The following FHIT variants were observed in gnomAD, a reference collection of about 807,000 sequenced individuals.
FHIT encodes the protein bis(5'-adenosyl)-triphosphatase.
In FHIT, 19 loss-of-function variants were observed where a neutral mutation model predicts 17.9. The observed-to-expected ratio is 1.06, with a 90% CI of 0.74 to 1.56. The LOEUF (loss-of-function observed/expected upper bound fraction) is 1.56, where lower values mean the gene tolerates loss of function less well. FHIT is among the 40% of genes most tolerant of loss of function. FHIT has a pLI of 0.00. For synonymous variants in FHIT, 81 were observed against 69.7 expected, an observed-to-expected ratio of 1.16 and a Z score of -0.81; for missense variants, 248 against 189.2, an observed-to-expected ratio of 1.31 and a Z score of -1.82.
chr3:60,871,907 C>T (rs72889111), intron 3 of FHIT, among the ~76,000 whole-genome samples: 3,033 of 152,126 alleles, frequency 0.02, 98 homozygotes, highest in African/African-American at 0.069. Flanking sequence ...AAATGATCCT[C>T]CTGCCTCAGT....
intron 2 of FHIT, among the ~76,000 whole-genome samples, chr3:61,151,819 A>G (rs62268794): frequency 2.0e-5 from 3 of 152,022 alleles, no homozygotes; most frequent in Non-Finnish European, 4.4e-5. Flanking sequence ...AGGAGAAAAT[A>G]AAACCCGCCC....
At position 61,184,946 on chromosome 3, in the gene FHIT, G is replaced by C. The variant is rs568513781; in HGVS notation, c.-164+15671C>G. On this transcript the variant is annotated intron_variant, in intron 2 of 9. Transcript: ENST00000492590. ...AACGGCACATTTCCCTACTGACACA[G>C]TTGTATTGAAAAATCAATCTGTGGC... 2.0e-5 allele frequency among the ~76,000 whole-genome samples: 3 copies of C among 152,304 alleles called. No homozygotes were observed. In the South Asian group the frequency reaches 6.2e-4, roughly 32 times the overall value.
At chr3:60,925,717 C>A (rs1295274320) in intron 3 of FHIT, among the ~76,000 whole-genome samples, 1 of 152,084 alleles carries the variant, frequency 6.6e-6, no homozygotes, top group Non-Finnish European at 1.5e-5. Context: ...ACAATATTAA[C>A]CTTAAATGTA....
chr3:60,599,766 C>T (rs931705530), intron 4 of FHIT, among the ~76,000 whole-genome samples: 2 of 151,486 alleles, frequency 1.3e-5, no homozygotes, highest in Non-Finnish European at 2.9e-5. Context: ...AATGAGAATG[C>T]TCACCTACTG....
At chr3:60,018,904 C>T (rs1301834831) in intron 5 of FHIT, among the ~76,000 whole-genome samples, 4 of 152,146 alleles carry the variant, frequency 2.6e-5, no homozygotes, top group South Asian at 4.2e-4. Context: ...CCCTTGAATC[C>T]GGGAGGTGGA....
At chr3:59,789,217 T>C (rs1699446736) in intron 8 of FHIT, among the ~76,000 whole-genome samples, 1 of 152,230 alleles carries the variant, frequency 6.6e-6, no homozygotes, top group Non-Finnish European at 1.5e-5. Context: ...CATTTCATTC[T>C]GCACAATTAA....
At chr3:60,453,111 A>G (rs73836736) in intron 5 of FHIT, among the ~76,000 whole-genome samples, 6,400 of 152,266 alleles carry the variant, frequency 0.042, 426 homozygotes, top group African/African-American at 0.14. Context: ...CTCTTTTATG[A>G]GCCAAATTAC....
At chr3:60,561,281 T>C (rs2036936031) in intron 4 of FHIT, among the ~76,000 whole-genome samples, 1 of 152,000 alleles carries the variant, frequency 6.6e-6, no homozygotes, top group African/African-American at 2.4e-5. Flanking sequence ...ACAAAGTCAA[T>C]ACTCAAGGTC....
At chr3:60,327,966 T>C (rs1346709813) in intron 5 of FHIT, among the ~76,000 whole-genome samples, 1 of 152,160 alleles carries the variant, frequency 6.6e-6, no homozygotes, top group African/African-American at 2.4e-5. Context: ...GAGGCCACAG[T>C]GATCCCAGAG....
At chr3:60,413,288 C>A (rs1702130680) in intron 5 of FHIT, among the ~76,000 whole-genome samples, 1 of 152,098 alleles carries the variant, frequency 6.6e-6, no homozygotes, top group African/African-American at 2.4e-5. Context: ...AACTGTACAA[C>A]TGAGCCAGGT....
chr3:59,849,629 C>G (rs1701856308), intron 8 of FHIT, among the ~76,000 whole-genome samples: 1 of 152,040 alleles, frequency 6.6e-6, no homozygotes, highest in Non-Finnish European at 1.5e-5. Flanking sequence ...ACAGCACGTA[C>G]CTGAGGGACT....
At chr3:60,964,468 T>C (rs1709614929) in intron 3 of FHIT, among the ~76,000 whole-genome samples, 1 of 152,224 alleles carries the variant, frequency 6.6e-6, no homozygotes, top group Non-Finnish European at 1.5e-5. Context: ...AATTTGATCC[T>C]GTCATTTTGA....
At chr3:61,124,070 C>T (rs1468236959) in intron 2 of FHIT, among the ~76,000 whole-genome samples, 1 of 152,110 alleles carries the variant, frequency 6.6e-6, no homozygotes, top group African/African-American at 2.4e-5. Context: ...GTATCATTAC[C>T]ACTGAAGAGA....
chr3:60,139,157 A>G (rs906061636), intron 5 of FHIT, among the ~76,000 whole-genome samples: 1 of 152,200 alleles, frequency 6.6e-6, no homozygotes, highest in Non-Finnish European at 1.5e-5. Flanking sequence ...CCTTAGCTGT[A>G]AAGCATCTGG....
intron 2 of FHIT, among the ~76,000 whole-genome samples, chr3:61,171,666 G>T (rs1414026082): frequency 6.6e-6 from 1 of 152,170 alleles, no homozygotes; most frequent in Non-Finnish European, 1.5e-5. Context: ...GGGTATTTGT[G>T]AAATCTAAAC....
Position 60,285,102 on chromosome 3 carries a change from T to C in FHIT, c.103+251758A>G, listed in dbSNP as rs750503286. 2.2e-4 allele frequency among the ~76,000 whole-genome samples: 33 copies of C among 152,256 alleles called. 1 individual carries two copies. The highest frequency in any genetic ancestry group is 4.4e-4 in the Non-Finnish European group (30 of 67,996). On this transcript the variant is annotated intron_variant, in intron 5 of 9. Coordinates refer to ENST00000492590, the MANE Select transcript of FHIT (RefSeq NM_002012.4). The stretch of plus-strand genomic sequence containing the variant: ...TCTCCAACTCCTTTTTAACAAAATG[T>C]CTAGAAGTACCCAGGTCCTCAAAAT...
At chr3:60,931,998 A>AG (rs548134455) in intron 3 of FHIT, among the ~76,000 whole-genome samples, 137 of 152,332 alleles carry the variant, frequency 9.0e-4, no homozygotes, top group African/African-American at 3.2e-3. Context: ...TAGGGTGTAG[A>AG]GAACTTTTCA....
At chr3:60,520,037 G>T (rs1331888137) in intron 5 of FHIT, among the ~76,000 whole-genome samples, 5 of 152,086 alleles carry the variant, frequency 3.3e-5, no homozygotes, top group Admixed American at 3.3e-4. Flanking sequence ...TTAATTTTAT[G>T]CATTTATGAT....
intron 2 of FHIT, among the ~76,000 whole-genome samples, chr3:61,189,298 CAGAG>C (rs1240920111): frequency 6.6e-6 from 1 of 152,120 alleles, no homozygotes; most frequent in Non-Finnish European, 1.5e-5. Context: ...AACAGACAAA[CAGAG>C]AGCCAAATCA....
Sources: allele counts gnomAD v4.1 joint callset (sites outside exome capture counted in the v4.1 genomes callset), GRCh38; gene constraint gnomAD v4.1.1; transcripts MANE v1.5; gene names NCBI Gene and HGNC (gene_info 2026-07-23, HGNC 2026-07-21).